Variants in WFDC8 observed in about 807,000 individuals in gnomAD.
WFDC8 encodes WAP four-disulfide core domain protein 8.
A neutral mutation model predicts 27.0 loss-of-function variants in WFDC8; 24 were observed. The ratio of observed to expected loss-of-function variants is 0.89; its 90% CI spans 0.64 to 1.25. The LOEUF (loss-of-function observed/expected upper bound fraction) is 1.25, where lower values mean the gene tolerates loss of function less well. Ranked by LOEUF, WFDC8 falls within the 50% of genes most tolerant of loss-of-function variation. The pLI, the probability that WFDC8 is intolerant of heterozygous loss-of-function variation, is 0.00. For synonymous variants in WFDC8, 106 were observed against 99.7 expected, an observed-to-expected ratio of 1.06 and a Z score of -0.38; for missense variants, 287 against 295.9, an observed-to-expected ratio of 0.97 and a Z score of 0.22.
chr20:45,561,774 G>A (rs914469189), intron 2 of WFDC8, among the ~76,000 whole-genome samples: 1 of 150,554 alleles, frequency 6.6e-6, no homozygotes, highest in Non-Finnish European at 1.5e-5. Context: ...GTGTGTGTGT[G>A]TACAGTGGGA....
intron 2 of WFDC8, 76 bp from the exon 3 acceptor site, chr20:45,559,068 T>C: frequency 6.3e-7 from 1 of 1,576,026 alleles, no homozygotes; most frequent in South Asian, 1.2e-5. Flanking sequence ...AGGTGTGTAG[T>C]GAAATTCTCT....
At chr20:45,556,891 CA>C in intron 3 of WFDC8, among the ~76,000 whole-genome samples, 1 of 152,192 alleles carries the variant, frequency 6.6e-6, no homozygotes, top group Non-Finnish European at 1.5e-5. Flanking sequence ...AGCTCAAAAA[CA>C]CTTCCCAAAG....
At chr20:45,565,515 AT>A (rs5841599) in intron 1 of WFDC8, among the ~76,000 whole-genome samples, 58,064 of 151,726 alleles carry the variant, frequency 0.38, 11,578 homozygotes, top group Non-Finnish European at 0.43. Context: ...TCCTCTTTAA[AT>A]TTTTTTTTAA....
In WFDC8 at chr20:45,551,866, C is replaced by A; in HGVS notation, c.*160G>T. The A allele has an allele frequency of 1.1e-6, 1 of 883,852 alleles. No individual in the cohort carries two copies. Among genetic ancestry groups the A allele is most frequent in the Non-Finnish European group, 1.6e-6 (1 of 612,996 alleles). 54.8% of individuals were successfully genotyped at this position (883,852 alleles called of 1,614,324 possible). ...GTTGAAAAAAAGCCAAATATATCAT[C>A]ACTTTCAGATGATGGGATTATATAT... is the stretch of plus-strand genomic sequence containing the variant. On this transcript the variant is annotated 3_prime_UTR_variant, in exon 6 of 6. Coordinates refer to ENST00000289953, the MANE Select transcript of WFDC8 (RefSeq NM_130896.3).
Position 45,562,270 on chromosome 20 carries a change from A to G in WFDC8, c.27-51T>C, listed in dbSNP as rs761114270. ...AGTTAAGCACAATCCAGAGAGAGACACAAAGTGTGTGCAGGGGAACCTTAG... is the reference window on the plus strand; with the variant it reads ...AGTTAAGCACAATCCAGAGAGAGACGCAAAGTGTGTGCAGGGGAACCTTAG... On this transcript the variant is annotated intron_variant, in intron 1 of 5. Coordinates refer to ENST00000289953, the MANE Select transcript of WFDC8 (RefSeq NM_130896.3). 8 of 1,498,734 alleles carry G rather than the reference A, an allele frequency of 5.3e-6. No homozygotes were observed. In the African/African-American group the frequency reaches 8.3e-5, roughly 15 times the overall value. The allele number at this position is 1,498,734 out of a possible 1,614,324, so 92.8% of individuals were successfully genotyped here.
intron 1 of WFDC8, among the ~76,000 whole-genome samples, chr20:45,567,596 T>C (rs1980724710): frequency 6.6e-6 from 1 of 152,154 alleles, no homozygotes; most frequent in African/African-American, 2.4e-5. Flanking sequence ...CAGTTCACGA[T>C]AAAACTGACT....
chr20:45,576,459 G>T (rs1981049390), intron 1 of WFDC8, among the ~76,000 whole-genome samples: 1 of 151,100 alleles, frequency 6.6e-6, no homozygotes, highest in Admixed American at 6.6e-5. Context: ...GAGCGCAGTG[G>T]CACGATCTTG....
At chr20:45,573,626 CATT>C in intron 1 of WFDC8, among the ~76,000 whole-genome samples, 1 of 152,154 alleles carries the variant, frequency 6.6e-6, no homozygotes, top group Non-Finnish European at 1.5e-5. Context: ...CTGCAAAAGA[CATT>C]ATTTCATTAT....
At chr20:45,555,601 G>T in intron 4 of WFDC8, 100 bp downstream of exon 4, 1 of 1,402,308 alleles carries the variant, frequency 7.1e-7, no homozygotes. Context: ...GCTAAGTCTT[G>T]AACCAAGGAA....
At chr20:45,570,703 C>T (rs1980836622) in intron 1 of WFDC8, among the ~76,000 whole-genome samples, 1 of 152,142 alleles carries the variant, frequency 6.6e-6, no homozygotes, top group African/African-American at 2.4e-5. Context: ...GTTATGTGAC[C>T]AGTGTATGTT....
At chr20:45,554,944 A>C (rs535406338) in intron 4 of WFDC8, among the ~76,000 whole-genome samples, 1 of 152,228 alleles carries the variant, frequency 6.6e-6, no homozygotes, top group Non-Finnish European at 1.5e-5. Flanking sequence ...ACGCTGCCTC[A>C]TAAATCACAC....
At position 45,558,818 on chromosome 20, in the gene WFDC8, G is replaced by A. The variant is rs370966439; in HGVS notation, c.277+34C>T. ...GCCAGTTTTGGACAGAGCAAGAAGT[G>A]GGGAACCTCTGTCCTCAGCCTGGAC... On this transcript the variant is annotated intron_variant, in intron 3 of 5. Transcript: ENST00000289953. The A allele has an allele frequency of 2.5e-6, 4 of 1,612,756 alleles. No individual in the cohort carries two copies. In the African/African-American group the frequency reaches 4.0e-5, roughly 16 times the overall value.
chr20:45,579,115 G>A, intron 1 of WFDC8, 107 bp downstream of exon 1: 8 of 1,086,392 alleles, frequency 7.4e-6, no homozygotes, highest in Non-Finnish European at 1.1e-5. Flanking sequence ...ACTATGCTTG[G>A]CCCAACTCCC....
At chr20:45,555,211 A>G (rs1316001608) in intron 4 of WFDC8, among the ~76,000 whole-genome samples, 2 of 152,200 alleles carry the variant, frequency 1.3e-5, no homozygotes, top group Non-Finnish European at 2.9e-5. Flanking sequence ...CTGTTTCCCA[A>G]CATTGCTGGT....
intron 1 of WFDC8, among the ~76,000 whole-genome samples, chr20:45,565,025 GA>G (rs955441791): frequency 1.3e-5 from 1 of 75,524 alleles, no homozygotes; most frequent in East Asian, 2.1e-4. Flanking sequence ...AGAAAGAAAG[GA>G]AGGAAGGAAG....
intron 1 of WFDC8, chr20:45,568,042 T>TTTGC (rs1260308755): frequency 6.5e-6 from 2 of 309,304 alleles, no homozygotes; most frequent in African/African-American, 4.4e-5. Flanking sequence ...CTGCTCTAGT[T>TTTGC]CACATCTTGT....
chr20:45,554,479 G>A (rs1238296011), intron 4 of WFDC8, among the ~76,000 whole-genome samples: 1 of 152,116 alleles, frequency 6.6e-6, no homozygotes, highest in Non-Finnish European at 1.5e-5. Context: ...CAATTCTTTG[G>A]GGTTTTGTAT....
chr20:45,573,130 AC>A (rs1266939349), intron 1 of WFDC8, among the ~76,000 whole-genome samples: 1 of 152,076 alleles, frequency 6.6e-6, no homozygotes, highest in Non-Finnish European at 1.5e-5. Flanking sequence ...ATGTAATCTC[AC>A]TTGTCTAGTT....
Position 45,552,105 on chromosome 20 carries a change from C to A in WFDC8, c.647G>T (p.Cys216Phe), listed in dbSNP as rs1426181551. 6.2e-7 allele frequency: 1 copy of A among 1,614,148 alleles called. No individual in the cohort carries two copies. The highest frequency in any genetic ancestry group is 8.5e-7 in the Non-Finnish European group (1 of 1,179,970). The change falls in exon 6 of 6, where the codon TGC (cysteine) becomes TTC (phenylalanine). Residue 216 changes from cysteine (C) to phenylalanine (F), a missense_variant. Coordinates refer to ENST00000289953, the MANE Select transcript of WFDC8 (RefSeq NM_130896.3). ...CAATGGGCACTCCTCATCCTGCAGG[C>A]ACTTGGGTTTATCAATCTTGGTACA... ...LLCTKIDKPK[C>F]LQDEECPLVE...
Sources: gnomAD v4.1 joint callset for allele counts (sites outside exome capture counted in the v4.1 genomes callset) on GRCh38, gnomAD v4.1.1 for gene constraint, MANE v1.5 for transcripts, NCBI Gene and HGNC (gene_info 2026-07-23, HGNC 2026-07-21) for gene names.